The following PABIR3 variants were observed in gnomAD, a reference collection of about 807,000 sequenced individuals.
The protein encoded by PABIR3 is PABIR family member 3, also known as PABIR family member 1.
A neutral mutation model predicts 23.1 loss-of-function variants in PABIR3; 20 were observed. The ratio of observed to expected loss-of-function variants is 0.86; its 90% CI spans 0.61 to 1.26. PABIR3 has a LOEUF of 1.26. PABIR3 is among the 50% of genes most tolerant of loss of function. PABIR3 has a pLI of 0.00. For missense variants in PABIR3, 189 were observed against 195.4 expected, an observed-to-expected ratio of 0.97 and a Z score of 0.20; for synonymous variants, 69 against 68.5, an observed-to-expected ratio of 1.01 and a Z score of -0.04.
At chrX:134,797,446 T>C (rs2079921275) in intron 1 of PABIR3, among the ~76,000 whole-genome samples, 1 of 112,491 alleles carries the variant, frequency 8.9e-6, no homozygotes, top group Admixed American at 9.3e-5. Context: ...GAGAAAAACA[T>C]GGGGTTTCCA....
downstream of PABIR3, among the ~76,000 whole-genome samples, chrX:134,858,533 A>G (rs1032060105): frequency 2.7e-5 from 3 of 112,045 alleles, no homozygotes; most frequent in African/African-American, 9.7e-5. Context: ...AAATGCATGT[A>G]TGATACTTAG....
intron 3 of PABIR3, among the ~76,000 whole-genome samples, chrX:134,815,893 C>G (rs1407775302): frequency 1.8e-5 from 2 of 110,870 alleles, no homozygotes; most frequent in African/African-American, 6.6e-5. Context: ...GTTGGCCAGG[C>G]TGGTCTCGAA....
intron 6 of PABIR3, among the ~76,000 whole-genome samples, chrX:134,846,139 A>G (rs1419366571): frequency 1.8e-5 from 2 of 111,721 alleles, no homozygotes; most frequent in African/African-American, 6.5e-5. Flanking sequence ...AGGAGATAGA[A>G]TGAGTGCCAG....
chrX:134,811,945 GAA>G (rs1013905472), intron 2 of PABIR3, among the ~76,000 whole-genome samples: 1 of 112,435 alleles, frequency 8.9e-6, no homozygotes, highest in African/African-American at 3.2e-5. Context: ...GCCCTTCGCA[GAA>G]AAAGTTTGCC....
downstream of PABIR3, among the ~76,000 whole-genome samples, chrX:134,856,346 C>G (rs1232704856): frequency 9.1e-6 from 1 of 110,180 alleles, no homozygotes; most frequent in African/African-American, 3.3e-5. Context: ...CCACCATGCC[C>G]GGCTAATTTT....
intron 8 of PABIR3, 85 bp downstream of exon 8, chrX:134,848,056 G>T: frequency 1.2e-6 from 1 of 827,813 alleles, no homozygotes; most frequent in Non-Finnish European, 1.7e-6. Flanking sequence ...TCCAAGTTTT[G>T]TGCCAACCAA....
chrX:134,804,665 A>G (rs1465147817), upstream of PABIR3, among the ~76,000 whole-genome samples: 1 of 112,722 alleles, frequency 8.9e-6, no homozygotes, highest in Non-Finnish European at 1.9e-5. Context: ...TTCAAAATAT[A>G]CGTATGAAAC....
chrX:134,797,191 C>A (rs1479114314), intron 1 of PABIR3: 2 of 114,006 alleles, frequency 1.8e-5, no homozygotes, highest in Admixed American at 9.2e-5. Flanking sequence ...CGCGTCCGGG[C>A]ACCCATCGGG....
chrX:134,842,414 C>T (rs906987890), intron 4 of PABIR3, among the ~76,000 whole-genome samples: 1 of 110,018 alleles, frequency 9.1e-6, no homozygotes, highest in African/African-American at 3.3e-5. Context: ...CGAGACCATC[C>T]TGTCTAACAT....
chrX:134,856,079 A>G (rs1263896276), downstream of PABIR3, among the ~76,000 whole-genome samples: 2 of 112,280 alleles, frequency 1.8e-5, no homozygotes, highest in African/African-American at 6.5e-5. Context: ...TAATGGGGAT[A>G]AGACTACCAC....
intron 3 of PABIR3, among the ~76,000 whole-genome samples, chrX:134,823,547 C>T (rs573104570): frequency 5.7e-4 from 63 of 111,322 alleles, no homozygotes; most frequent in Non-Finnish European, 8.3e-4. Context: ...TATTTGTATA[C>T]GTGTATTCTA....
rs943456271 is a variant in PABIR3, at chrX:134,848,959, C to T, written c.528-208C>T. Among the ~76,000 whole-genome samples, 5 of 111,608 alleles carry T rather than the reference C, an allele frequency of 4.5e-5. No individual in the cohort carries two copies. In the Admixed American group the frequency reaches 4.8e-4, roughly 11 times the overall value. ...CGGAGGCTGCAGTGAGCTTAAATCA[C>T]GCCACTGCACTCCAGCCTCGGTGAC... On this transcript the variant is annotated intron_variant, in intron 8 of 10. Coordinates refer to ENST00000645433, the MANE Select transcript of PABIR3 (RefSeq NM_001388447.1).
At chrX:134,811,811 T>A (rs1048136180) in intron 2 of PABIR3, among the ~76,000 whole-genome samples, 1 of 111,943 alleles carries the variant, frequency 8.9e-6, no homozygotes, top group East Asian at 2.8e-4. Context: ...TAAAATTTTA[T>A]TGGAATGGAA....
intron 3 of PABIR3, among the ~76,000 whole-genome samples, chrX:134,823,828 C>T (rs1005281384): frequency 3.7e-5 from 4 of 109,013 alleles, no homozygotes; most frequent in African/African-American, 1.3e-4. Context: ...AGAATGGGCA[C>T]GTAAATATTT....
At chrX:134,802,724 T>C (rs1298007634), upstream of PABIR3, among the ~76,000 whole-genome samples, 4 of 112,754 alleles carry the variant, frequency 3.5e-5, no homozygotes, top group Admixed American at 3.7e-4. Flanking sequence ...AGGGCCTTCT[T>C]CCCTTCTAGG....
chrX:134,855,389 A>G (rs1019610620), downstream of PABIR3, among the ~76,000 whole-genome samples: 16 of 109,670 alleles, frequency 1.5e-4, no homozygotes, highest in Admixed American at 2.9e-4. Context: ...AGCCGAGATC[A>G]TGCCACTGCA....
At chrX:134,847,850 G>C in intron 7 of PABIR3, 33 bp from the exon 8 acceptor site, 1 of 1,110,385 alleles carries the variant, frequency 9.0e-7, no homozygotes, top group Non-Finnish European at 1.2e-6. Flanking sequence ...GAAAAGTGGC[G>C]GTTTTAAAAC....
rs1347715776 is a variant in PABIR3, at chrX:134,809,721, C to T, written c.110+2013C>T. On this transcript the variant is annotated intron_variant, in intron 2 of 10. Coordinates refer to ENST00000645433, the MANE Select transcript of PABIR3 (RefSeq NM_001388447.1). ...TATGAGGAAACTGAGGCCCATAAAT[C>T]TCCAAAATGACGTTTAGTGGCAGAG... The T allele has an allele frequency of 1.7e-5, 12 of 711,406 alleles. 2 individuals carry two copies. In the Admixed American group the frequency reaches 5.3e-4, roughly 32 times the overall value. The allele number at this position is 711,406 out of a possible 1,213,427, so 58.6% of individuals were successfully genotyped here.
intron 4 of PABIR3, among the ~76,000 whole-genome samples, chrX:134,830,818 A>G (rs2081748487): frequency 9.0e-6 from 1 of 111,311 alleles, no homozygotes. Context: ...ATGTGTTGCT[A>G]TTTGCTGGTG....
Sources: allele counts gnomAD v4.1 joint callset (sites outside exome capture counted in the v4.1 genomes callset), GRCh38; gene constraint gnomAD v4.1.1; transcripts MANE v1.5; gene names NCBI Gene and HGNC (gene_info 2026-07-23, HGNC 2026-07-21).